Variants in KCNQ3 observed in about 807,000 individuals in gnomAD.
KCNQ3 encodes potassium voltage-gated channel subfamily Q member 3.
A neutral mutation model predicts 92.5 loss-of-function variants in KCNQ3; 30 were observed. The observed-to-expected ratio is 0.32, with a 90% CI of 0.24 to 0.44. The LOEUF is 0.44. Ranked by LOEUF, KCNQ3 falls within the 20% of genes least tolerant of loss-of-function variation. The pLI is 1.00. For missense variants in KCNQ3, 913 were observed against 1,140.3 expected (o/e 0.80, Z 2.87); for synonymous variants, 450 against 468.8 (o/e 0.96, Z 0.52).
intron 1 of KCNQ3, among the ~76,000 whole-genome samples, chr8:132,380,247 G>A (rs999844477): frequency 6.6e-6 from 1 of 152,124 alleles, no homozygotes; most frequent in Admixed American, 6.5e-5. Context: ...CAGAAGAGAT[G>A]GGTTTTGAGC....
intron 1 of KCNQ3, among the ~76,000 whole-genome samples, chr8:132,197,546 T>C (rs547095517): frequency 6.6e-6 from 1 of 152,270 alleles, no homozygotes; most frequent in South Asian, 2.1e-4. Flanking sequence ...CCACACTAAG[T>C]GGGCAGGCAC....
chr8:132,245,759 C>T (rs1815152335), intron 1 of KCNQ3, among the ~76,000 whole-genome samples: 1 of 152,188 alleles, frequency 6.6e-6, no homozygotes, highest in Non-Finnish European at 1.5e-5. Context: ...CTATCTACTG[C>T]TTGTCACAAT....
Position 132,362,007 on chromosome 8 carries a change from C to T in KCNQ3, c.386+118140G>A, listed in dbSNP as rs903182176. On this transcript the variant is annotated intron_variant, in intron 1 of 14. Transcript: ENST00000388996. The stretch of plus-strand genomic sequence containing the variant: ...AATATTAAATAATAATAGTAAAACG[C>T]TTATGTTTTGTGTAATTGTGAAATG... Among the ~76,000 whole-genome samples, 99 of 152,078 alleles carry T rather than the reference C, an allele frequency of 6.5e-4. 1 individual carries two copies. The highest frequency in any genetic ancestry group is 2.1e-3 in the African/African-American group (87 of 41,458).
intron 1 of KCNQ3, among the ~76,000 whole-genome samples, chr8:132,196,619 G>T (rs1298997390): frequency 6.6e-6 from 1 of 152,172 alleles, no homozygotes; most frequent in Admixed American, 6.5e-5. Flanking sequence ...TTCCAGTTCT[G>T]CCATTTACTC....
At chr8:132,384,214 C>A (rs562032280) in intron 1 of KCNQ3, among the ~76,000 whole-genome samples, 6 of 152,242 alleles carry the variant, frequency 3.9e-5, no homozygotes, top group South Asian at 4.2e-4. Context: ...CTTATCTGTT[C>A]CCTTGTCCCG....
chr8:132,413,162 C>T (rs566794979), intron 1 of KCNQ3, among the ~76,000 whole-genome samples: 7 of 152,374 alleles, frequency 4.6e-5, no homozygotes, highest in East Asian at 3.9e-4. Context: ...GTTCTCGCCA[C>T]GCTACAAATG....
intron 1 of KCNQ3, among the ~76,000 whole-genome samples, chr8:132,421,766 C>G (rs1395262352): frequency 5.9e-5 from 9 of 152,134 alleles, no homozygotes; most frequent in African/African-American, 2.2e-4. Context: ...CTAGATGAAC[C>G]CTCCACCTGG....
chr8:132,313,108 T>A (rs762705810), intron 1 of KCNQ3, among the ~76,000 whole-genome samples: 19 of 152,200 alleles, frequency 1.2e-4, no homozygotes, highest in Non-Finnish European at 2.4e-4. Context: ...TAACCCTGCC[T>A]GTTGGCAAAT....
At chr8:132,467,137 C>A (rs2673558) in intron 1 of KCNQ3, among the ~76,000 whole-genome samples, 128,113 of 152,158 alleles carry the variant, frequency 0.84, 53,995 homozygotes, top group East Asian at 0.9. Flanking sequence ...CACTAGAAGT[C>A]AAATGAGTTA....
At chr8:132,326,413 A>G (rs760224659) in intron 1 of KCNQ3, among the ~76,000 whole-genome samples, 24 of 152,168 alleles carry the variant, frequency 1.6e-4, no homozygotes, top group Non-Finnish European at 3.4e-4. Flanking sequence ...GCACAGTGCA[A>G]GAGAAGGAAA....
At chr8:132,399,961 T>C (rs1262434361) in intron 1 of KCNQ3, among the ~76,000 whole-genome samples, 1 of 152,208 alleles carries the variant, frequency 6.6e-6, no homozygotes, top group Non-Finnish European at 1.5e-5. Flanking sequence ...CATCAGGTTT[T>C]CTGGCTCCCA....
intron 1 of KCNQ3, among the ~76,000 whole-genome samples, chr8:132,358,911 G>A (rs954969859): frequency 5.3e-5 from 8 of 152,178 alleles, no homozygotes; most frequent in African/African-American, 1.7e-4. Context: ...CATAAGAAAC[G>A]AAACACAACC....
intron 1 of KCNQ3, among the ~76,000 whole-genome samples, chr8:132,327,994 A>G (rs1033507268): frequency 3.9e-5 from 6 of 151,976 alleles, no homozygotes; most frequent in Non-Finnish European, 7.4e-5. Flanking sequence ...TCCCACAACC[A>G]CTATGTCCCC....
intron 1 of KCNQ3, among the ~76,000 whole-genome samples, chr8:132,283,491 T>C (rs1816592687): frequency 1.3e-5 from 2 of 152,244 alleles, no homozygotes; most frequent in African/African-American, 4.8e-5. Flanking sequence ...TGTTTCCATA[T>C]GTTCTGCATT....
At position 132,447,248 on chromosome 8, in the gene KCNQ3, A is replaced by G. The variant is rs1423120598; in HGVS notation, c.386+32899T>C. The G allele has an allele frequency of 2.3e-5, 36 of 1,535,542 alleles. No individual in the cohort carries two copies. The East Asian group carries it at 8.5e-4, about 36-fold the overall frequency. The stretch of plus-strand genomic sequence containing the variant: ...TCATAAGGTAATGAATGCAAGAACA[A>G]GATTTTTAACAAGTGGTGGTAACAC... On this transcript the variant is annotated intron_variant, in intron 1 of 14. Transcript: ENST00000388996.
At chr8:132,294,430 AG>A (rs998750801) in intron 1 of KCNQ3, among the ~76,000 whole-genome samples, 3 of 152,294 alleles carry the variant, frequency 2.0e-5, no homozygotes, top group Middle Eastern at 3.4e-3. Flanking sequence ...TAAGGAGAAA[AG>A]GAGAATCAAA....
intron 1 of KCNQ3, among the ~76,000 whole-genome samples, chr8:132,333,354 T>C (rs993344139): frequency 2.0e-5 from 3 of 152,132 alleles, no homozygotes; most frequent in African/African-American, 7.2e-5. Flanking sequence ...ATTTAAAACA[T>C]TTCCATACTT....
intron 1 of KCNQ3, among the ~76,000 whole-genome samples, chr8:132,364,450 C>T (rs1214777716): frequency 6.6e-6 from 1 of 152,184 alleles, no homozygotes; most frequent in African/African-American, 2.4e-5. Context: ...TGTTCCCCAT[C>T]ATGCCACGGG....
chr8:132,129,031 A>C lies in KCNQ3; in HGVS notation c.*231T>G, dbSNP rs1467343720. The C allele has an allele frequency of 1.7e-6, 1 of 582,504 alleles. No homozygotes were observed. Among genetic ancestry groups the C allele is most frequent in the Non-Finnish European group, 3.1e-6 (1 of 327,232 alleles). The allele number at this position is 582,504 out of a possible 1,614,324, so 36.1% of individuals were successfully genotyped here. A position where few individuals can be genotyped will look rare whatever the true frequency, so the allele number is the denominator to read the frequency against. On this transcript the variant is annotated 3_prime_UTR_variant, in exon 15 of 15. Transcript: ENST00000388996. This position sits in a 1 kb window ranked among gnomAD's most constrained non-coding sequence, Gnocchi z 5.9. ...GTGTATCCTAGAAGAGATTAGCGGA[A>C]CCATTTATATAGTGTAAAGTCATGC... is the stretch of plus-strand genomic sequence containing the variant.
Sources: allele counts gnomAD v4.1 joint callset (sites outside exome capture counted in the v4.1 genomes callset), GRCh38; gene constraint gnomAD v4.1.1; non-coding constraint Gnocchi (gnomAD v3.1); transcripts MANE v1.5; gene names NCBI Gene and HGNC (gene_info 2026-07-23, HGNC 2026-07-21).